LEPR: variants seen among roughly 807,000 people sequenced by gnomAD.
The protein encoded by LEPR is OB receptor.
In LEPR, 56 loss-of-function variants were observed where a neutral mutation model predicts 114.7. That is an observed-to-expected ratio of 0.49 (90% confidence interval 0.39 to 0.61). LEPR has a LOEUF of 0.61. Among genes scored for constraint, LEPR ranks in the 20% least tolerant of loss-of-function variants. LEPR has a pLI of 0.00. For synonymous variants in LEPR, 443 were observed against 461.4 expected, an observed-to-expected ratio of 0.96 and a Z score of 0.51; for missense variants, 1,202 against 1,352.9, an observed-to-expected ratio of 0.89 and a Z score of 1.75.
intron 2 of LEPR, chr1:65,435,343 TCA>T: frequency 1.0e-6 from 1 of 973,232 alleles, no homozygotes; most frequent in Admixed American, 6.2e-5. Flanking sequence ...TTAGGTGGTG[TCA>T]CAAAATGTGC....
intron 19 of LEPR, chr1:65,635,422 A>G: frequency 1.0e-6 from 1 of 958,966 alleles, no homozygotes; most frequent in Non-Finnish European, 1.2e-6. Context: ...AAAAAATATG[A>G]TGTACATTTG....
At chr1:65,467,603 C>T (rs1189150697) in intron 2 of LEPR, among the ~76,000 whole-genome samples, 4 of 152,192 alleles carry the variant, frequency 2.6e-5, no homozygotes, top group African/African-American at 4.8e-5. Flanking sequence ...CTGCAGAAGC[C>T]GTCTGCTACC....
At chr1:65,568,854 A>T (rs1025317125) in intron 3 of LEPR, among the ~76,000 whole-genome samples, 3 of 152,110 alleles carry the variant, frequency 2.0e-5, no homozygotes, top group African/African-American at 7.2e-5. Context: ...TTGACTTTTT[A>T]ATAATGGCCA....
intron 5 of LEPR, among the ~76,000 whole-genome samples, chr1:65,585,506 A>T (rs548532776): frequency 8.0e-4 from 121 of 152,136 alleles, no homozygotes; most frequent in African/African-American, 2.9e-3. Flanking sequence ...TTATATCTCT[A>T]CCTTTTGTGT....
intron 19 of LEPR, among the ~76,000 whole-genome samples, chr1:65,623,565 C>G (rs1417868090): frequency 1.3e-5 from 2 of 152,074 alleles, no homozygotes; most frequent in African/African-American, 4.8e-5. Flanking sequence ...AATTTAGTGA[C>G]TGTTTTATTA....
intron 2 of LEPR, among the ~76,000 whole-genome samples, chr1:65,477,045 C>A (rs1456728446): frequency 6.6e-6 from 1 of 152,070 alleles, no homozygotes; most frequent in Non-Finnish European, 1.5e-5. Flanking sequence ...CTAAAGATAA[C>A]CACAAATTGC....
At chr1:65,621,247 A>C in intron 17 of LEPR, 106 bp from the exon 18 acceptor site, 3 of 880,526 alleles carry the variant, frequency 3.4e-6, no homozygotes, top group Non-Finnish European at 5.4e-6. Flanking sequence ...GAAGGTAATA[A>C]GAGATTTGTG....
At chr1:65,439,880 A>G (rs1646625336) in intron 2 of LEPR, among the ~76,000 whole-genome samples, 1 of 148,660 alleles carries the variant, frequency 6.7e-6, no homozygotes, top group Non-Finnish European at 1.5e-5. Flanking sequence ...CTGTAATCCC[A>G]GCTCCTAGCT....
intron 2 of LEPR, among the ~76,000 whole-genome samples, chr1:65,466,329 CTTT>C (rs1186270736): frequency 2.0e-5 from 3 of 152,156 alleles, no homozygotes; most frequent in Non-Finnish European, 4.4e-5. Flanking sequence ...AAATGCTTTT[CTTT>C]AAGAAGGTTG....
intron 2 of LEPR, among the ~76,000 whole-genome samples, chr1:65,477,823 G>T (rs781463189): frequency 3.9e-5 from 6 of 152,158 alleles, no homozygotes; most frequent in Non-Finnish European, 8.8e-5. Context: ...CTCTCACCCA[G>T]ATTGCCTAAT....
At chr1:65,617,392 G>A (rs1267891645) in intron 15 of LEPR, among the ~76,000 whole-genome samples, 1 of 152,192 alleles carries the variant, frequency 6.6e-6, no homozygotes, top group African/African-American at 2.4e-5. Flanking sequence ...ATGTAGGGGA[G>A]GGCAGGAAAA....
intron 2 of LEPR, among the ~76,000 whole-genome samples, chr1:65,453,832 A>G (rs1166497857): frequency 1.3e-5 from 2 of 151,756 alleles, no homozygotes; most frequent in South Asian, 2.1e-4. Context: ...ATTCCTGGGT[A>G]TCCTTGTTGA....
In LEPR at chr1:65,466,203, T is replaced by C. The variant is rs182837512; in HGVS notation, c.-21+40825T>C. ...CATGTTTAGTGCTTCCTTCAAGAGC[T>C]CTTGTAAGGCAGGCCTAGAGTGACA... is the stretch of plus-strand genomic sequence containing the variant. On this transcript the variant is annotated intron_variant, in intron 2 of 19. Coordinates refer to ENST00000349533, the MANE Select transcript of LEPR (RefSeq NM_002303.6). Among the ~76,000 whole-genome samples the C allele has an allele frequency of 5.9e-5, 9 of 152,314 alleles. No homozygotes were observed. The East Asian group carries it at 1.7e-3, about 29-fold the overall frequency.
At chr1:65,553,548 G>C (rs1361861456) in intron 2 of LEPR, among the ~76,000 whole-genome samples, 1 of 151,908 alleles carries the variant, frequency 6.6e-6, no homozygotes, top group Non-Finnish European at 1.5e-5. Flanking sequence ...TTCTCATGCT[G>C]TGTTTTTCAG....
At chr1:65,600,118 A>G (rs527878612) in intron 8 of LEPR, among the ~76,000 whole-genome samples, 141 of 152,214 alleles carry the variant, frequency 9.3e-4, no homozygotes, top group African/African-American at 3.4e-3. Context: ...ACTCAATTAT[A>G]TTTTTTATTT....
chr1:65,433,619 G>A (rs561109788), intron 2 of LEPR: 6 of 985,214 alleles, frequency 6.1e-6, no homozygotes, highest in East Asian at 2.3e-4. Context: ...AATGTGCAAC[G>A]TTATTTTTTG....
At chr1:65,567,217 A>C (rs1205103345) in intron 3 of LEPR, among the ~76,000 whole-genome samples, 1 of 152,200 alleles carries the variant, frequency 6.6e-6, no homozygotes, top group Non-Finnish European at 1.5e-5. Context: ...CTCATCTTTT[A>C]ATTTAACTGC....
At chr1:65,435,239 C>T (rs1410483526) in intron 2 of LEPR, 1 of 985,126 alleles carries the variant, frequency 1.0e-6, no homozygotes, top group Non-Finnish European at 1.2e-6. Flanking sequence ...CTAAGGAAGT[C>T]CTTACCTCTG....
At chr1:65,463,322 C>T (rs1435346946) in intron 2 of LEPR, among the ~76,000 whole-genome samples, 2 of 152,130 alleles carry the variant, frequency 1.3e-5, no homozygotes, top group African/African-American at 2.4e-5. Flanking sequence ...TGTCAAAGAT[C>T]AGATGGTTGT....
Sources: allele counts gnomAD v4.1 joint callset (sites outside exome capture counted in the v4.1 genomes callset), GRCh38; gene constraint gnomAD v4.1.1; transcripts MANE v1.5; gene names NCBI Gene and HGNC (gene_info 2026-07-23, HGNC 2026-07-21).